Variants in CSTPP1 observed in about 807,000 individuals in gnomAD.
CSTPP1 encodes UPF0705 protein C11orf49.
chr11:47,157,295 G>A, the CSTPP1 span: 97 of 1,458,646 alleles, frequency 6.7e-5, no homozygotes, highest in East Asian at 1.9e-4. Context: ...GAGCTCCGCA[G>A]GATGTTCTGC....
At chr11:47,147,271 A>G in the CSTPP1 span, among the ~76,000 whole-genome samples, 1 of 152,226 alleles carries the variant, frequency 6.6e-6, no homozygotes. Flanking sequence ...GATTAGGTAG[A>G]GAGCAATGAG....
At chr11:47,052,440 G>A in the CSTPP1 span, 11 of 1,613,900 alleles carry the variant, frequency 6.8e-6, no homozygotes, top group Middle Eastern at 1.6e-4. Context: ...ATTCAGCTTC[G>A]TCCAAGCCAC....
the CSTPP1 span, chr11:47,157,888 T>C: frequency 1.9e-6 from 3 of 1,613,884 alleles, no homozygotes; most frequent in South Asian, 1.1e-5. Flanking sequence ...TCCTCATGGC[T>C]CTCTCAAAGC....
the CSTPP1 span, among the ~76,000 whole-genome samples, chr11:46,939,975 A>G: frequency 6.6e-6 from 1 of 152,178 alleles, no homozygotes; most frequent in Non-Finnish European, 1.5e-5. Context: ...GGTTCAAGCC[A>G]TTCTCCTGCC....
At chr11:47,098,774 A>C in the CSTPP1 span, among the ~76,000 whole-genome samples, 1 of 152,024 alleles carries the variant, frequency 6.6e-6, no homozygotes, top group East Asian at 1.9e-4. Flanking sequence ...GTTCATTTTA[A>C]ACAATTTTCC....
At chr11:47,161,507 CCA>C in the CSTPP1 span, 1 of 1,614,158 alleles carries the variant, frequency 6.2e-7, no homozygotes, top group Non-Finnish European at 8.5e-7. Context: ...CACAGCCAGT[CCA>C]GAGGCCAGTT....
chr11:46,945,864 T>G, the CSTPP1 span, among the ~76,000 whole-genome samples: 22,535 of 152,148 alleles, frequency 0.15, 2,801 homozygotes, highest in East Asian at 0.65. Context: ...GTAAAGAGTA[T>G]GTGACCTATA....
the CSTPP1 span, among the ~76,000 whole-genome samples, chr11:47,080,019 C>T: frequency 6.6e-6 from 1 of 152,054 alleles, no homozygotes; most frequent in Non-Finnish European, 1.5e-5. Context: ...ATCACGTGAA[C>T]CCGGAGGCAA....
At chr11:46,998,406 A>G in the CSTPP1 span, among the ~76,000 whole-genome samples, 3 of 152,230 alleles carry the variant, frequency 2.0e-5, no homozygotes, top group East Asian at 3.9e-4. Flanking sequence ...ATAGAAATGT[A>G]CTTGCCAAGC....
At chr11:47,067,941 G>A in the CSTPP1 span, among the ~76,000 whole-genome samples, 1 of 152,028 alleles carries the variant, frequency 6.6e-6, no homozygotes. Flanking sequence ...TTATCAAATT[G>A]AGCCATCTAA....
the CSTPP1 span, among the ~76,000 whole-genome samples, chr11:47,134,427 G>A: frequency 6.6e-6 from 1 of 152,146 alleles, no homozygotes; most frequent in Non-Finnish European, 1.5e-5. Flanking sequence ...CTGACCTCAG[G>A]TGAACTCTTG....
the CSTPP1 span, among the ~76,000 whole-genome samples, chr11:47,036,137 TA>T: frequency 2.4e-5 from 1 of 41,676 alleles, no homozygotes; most frequent in East Asian, 3.7e-4. Flanking sequence ...ATATACAATA[TA>T]ATATATAATA....
At chr11:47,028,846 C>CT in the CSTPP1 span, among the ~76,000 whole-genome samples, 2,302 of 150,150 alleles carry the variant, frequency 0.015, 62 homozygotes, top group African/African-American at 0.053. Flanking sequence ...TTTTTTTCTT[C>CT]TTTTTTTTTG....
the CSTPP1 span, among the ~76,000 whole-genome samples, chr11:47,050,613 C>G: frequency 6.6e-6 from 1 of 152,150 alleles, no homozygotes; most frequent in Non-Finnish European, 1.5e-5. Context: ...TCAGCTTTTT[C>G]CCCCTTAGAA....
chr11:47,074,008 T>G, the CSTPP1 span, among the ~76,000 whole-genome samples: 1 of 152,178 alleles, frequency 6.6e-6, no homozygotes, highest in Non-Finnish European at 1.5e-5. Context: ...TTTTAATTTG[T>G]GGTTAATATG....
chr11:47,116,074 C>G, the CSTPP1 span, among the ~76,000 whole-genome samples: 1 of 152,272 alleles, frequency 6.6e-6, no homozygotes, highest in African/African-American at 2.4e-5. Flanking sequence ...TAGTTATTAA[C>G]CCAGTAGTCA....
the CSTPP1 span, among the ~76,000 whole-genome samples, chr11:47,115,991 G>A: frequency 2.0e-5 from 3 of 152,148 alleles, no homozygotes; most frequent in African/African-American, 7.2e-5. Flanking sequence ...TGCTTTAAAT[G>A]TGTCAGAGAT....
the CSTPP1 span, among the ~76,000 whole-genome samples, chr11:46,990,156 G>A: frequency 6.6e-6 from 1 of 152,134 alleles, no homozygotes; most frequent in Non-Finnish European, 1.5e-5. Context: ...ACCCACTAAT[G>A]AATGGGACTG....
At chr11:47,052,385 C>T in the CSTPP1 span, 1 of 1,608,758 alleles carries the variant, frequency 6.2e-7, no homozygotes, top group Non-Finnish European at 8.5e-7. Context: ...TTTCTCTTTG[C>T]AGTTTTAACA....
Sources: gnomAD v4.1 joint callset for allele counts (sites outside exome capture counted in the v4.1 genomes callset) on GRCh38, gnomAD v4.1.1 for gene constraint, MANE v1.5 for transcripts, NCBI Gene and HGNC (gene_info 2026-07-23, HGNC 2026-07-21) for gene names.